Variants in LINGO1 observed in about 807,000 individuals in gnomAD.
LINGO1 encodes the protein leucine-rich repeat and immunoglobulin-like domain-containing nogo receptor-interacting protein 1.
A neutral mutation model predicts 37.3 loss-of-function variants in LINGO1; 11 were observed. The observed-to-expected ratio is 0.29, with a 90% CI of 0.19 to 0.49. The LOEUF (loss-of-function observed/expected upper bound fraction) is 0.49. Ranked by LOEUF, LINGO1 falls within the 20% of genes least tolerant of loss-of-function variation. LINGO1 has a pLI of 0.99. For missense variants in LINGO1, 585 were observed against 878.2 expected (o/e 0.67, Z 4.22); for synonymous variants, 387 against 403.0 (o/e 0.96, Z 0.48).
chr15:77,644,338 C>A (rs1477554482), intron 3 of LINGO1, among the ~76,000 whole-genome samples: 1 of 152,174 alleles, frequency 6.6e-6, no homozygotes, highest in Non-Finnish European at 1.5e-5. Context: ...CGGGCTGTGC[C>A]CTCTCTCTCT....
At chr15:77,699,712 C>CACCTGCACACAGCACATACTAA (rs1567532160), upstream of LINGO1, among the ~76,000 whole-genome samples, 1 of 1,864 alleles carries the variant, frequency 5.4e-4, no homozygotes, top group Non-Finnish European at 1.7e-3. Context: ...AACCATCATT[C>CACCTGCACACAGCACATACTAA]CCACACACAA....
intron 1 of LINGO1, among the ~76,000 whole-genome samples, chr15:77,631,753 C>T (rs1332604837): frequency 6.6e-6 from 1 of 152,240 alleles, no homozygotes; most frequent in East Asian, 1.9e-4. Context: ...CAACTCCCTT[C>T]CTTCCACTCT....
chr15:77,713,210 TTGTGTGTGTGTGTGTGTGTGTG>T (rs57831674), intron 2 of LINGO1, among the ~76,000 whole-genome samples: 1 of 123,722 alleles, frequency 8.1e-6, no homozygotes, highest in Non-Finnish European at 1.6e-5. Flanking sequence ...GCCCAGCTAA[TTGTGTGTGTGTGTGTGTGTGTG>T]TGTGTGTGTG....
At position 77,614,218 on chromosome 15, in the gene LINGO1, C is replaced by T. The variant is rs1314081038; in HGVS notation, c.1689G>A (p.Met563Ile). The change falls in exon 2 of 2, where the codon ATG (methionine) becomes ATA (isoleucine). Residue 563 changes from methionine (M) to isoleucine (I), a missense_variant. Coordinates refer to ENST00000355300, the MANE Select transcript of LINGO1 (RefSeq NM_032808.7). ...DIKTLIIATT[M>I]GFISFLGVVL... ...CGACGCCCAGGAAAGAGATGAAGCCCATGGTGGTGGCGATGATGAGGGTCT... is the reference window on the plus strand; with the variant it reads ...CGACGCCCAGGAAAGAGATGAAGCCTATGGTGGTGGCGATGATGAGGGTCT... 1 of 1,613,894 alleles carries T rather than the reference C, an allele frequency of 6.2e-7. No homozygotes were observed. Among genetic ancestry groups the T allele is most frequent in the African/African-American group, 1.3e-5 (1 of 74,928 alleles).
rs186175141 is a variant in LINGO1 at position 77,712,416 on chromosome 15, C to T, written c.-194-21515G>A. Among the ~76,000 whole-genome samples, 114 of 152,274 alleles carry T rather than the reference C, an allele frequency of 7.5e-4. 1 individual carries two copies. The highest frequency in any genetic ancestry group is 6.8e-3 in the Middle Eastern group (2 of 294). On this transcript the variant is annotated intron_variant, in intron 2 of 3. Transcript: ENST00000561686. The stretch of plus-strand genomic sequence containing the variant: ...TGCTCAAATATCTTGCCCCCCTCCC[C>T]CTAAGCAGTACTTTCATAAAACCCC...
At chr15:77,693,738 C>T (rs1485231758) in intron 1 of LINGO1, among the ~76,000 whole-genome samples, 1 of 152,092 alleles carries the variant, frequency 6.6e-6, no homozygotes. Context: ...AGGGAGGAAA[C>T]AGATTCGGGC....
intron 3 of LINGO1, among the ~76,000 whole-genome samples, chr15:77,661,520 GC>G (rs2074992796): frequency 6.6e-6 from 1 of 152,230 alleles, no homozygotes; most frequent in Non-Finnish European, 1.5e-5. Context: ...GAATGACAGT[GC>G]CTTGCCAGTT....
At chr15:77,661,124 A>G (rs1363250545) in intron 3 of LINGO1, among the ~76,000 whole-genome samples, 1 of 152,158 alleles carries the variant, frequency 6.6e-6, no homozygotes, top group African/African-American at 2.4e-5. Context: ...GCAGGCTGGG[A>G]TGGGTTAGCT....
intron 2 of LINGO1, among the ~76,000 whole-genome samples, chr15:77,720,290 T>A (rs948020235): frequency 6.6e-6 from 1 of 152,370 alleles, no homozygotes; most frequent in Admixed American, 6.5e-5. Flanking sequence ...GTTTTTATTC[T>A]GCAGCCGACT....
At chr15:77,666,664 A>G (rs2075137503) in intron 3 of LINGO1, among the ~76,000 whole-genome samples, 1 of 152,210 alleles carries the variant, frequency 6.6e-6, no homozygotes, top group Admixed American at 6.5e-5. Flanking sequence ...CAGCTAACTT[A>G]ATCTCCTTGC....
At chr15:77,639,693 C>T (rs758999750) in intron 3 of LINGO1, among the ~76,000 whole-genome samples, 37 of 152,048 alleles carry the variant, frequency 2.4e-4, no homozygotes, top group African/African-American at 7.0e-4. Flanking sequence ...CTCATAAACA[C>T]GATGTGGAGG....
intron 2 of LINGO1, among the ~76,000 whole-genome samples, chr15:77,678,479 TTTATTAATATCTGTG>T (rs1212841465): frequency 3.3e-5 from 5 of 152,264 alleles, no homozygotes; most frequent in Non-Finnish European, 5.9e-5. Context: ...GCACTTCACA[TTTATTAATATCTGTG>T]TTGCCTCTTG....
At chr15:77,818,003 C>A (rs188488556) in intron 1 of LINGO1, among the ~76,000 whole-genome samples, 48 of 152,248 alleles carry the variant, frequency 3.2e-4, no homozygotes, top group Non-Finnish European at 6.0e-4. Flanking sequence ...GCCACCACAC[C>A]CCTCCACACA....
intron 1 of LINGO1, among the ~76,000 whole-genome samples, chr15:77,751,285 G>T (rs553804642): frequency 7.2e-5 from 11 of 152,338 alleles, no homozygotes; most frequent in African/African-American, 2.4e-4. Flanking sequence ...GATCCTTGCA[G>T]GGTGCCTTGA....
upstream of LINGO1, among the ~76,000 whole-genome samples, chr15:77,633,997 C>T (rs1363597552): frequency 6.6e-6 from 1 of 152,142 alleles, no homozygotes; most frequent in African/African-American, 2.4e-5. Flanking sequence ...ACGGCCATCC[C>T]TCCTCCCCTG....
At chr15:77,701,240 C>T (rs536888745), upstream of LINGO1, among the ~76,000 whole-genome samples, 8 of 152,226 alleles carry the variant, frequency 5.3e-5, no homozygotes, top group Non-Finnish European at 1.2e-4. Flanking sequence ...AACCAACAGG[C>T]CTGGGGGGTC....
At chr15:77,759,988 G>A (rs2076458481) in intron 1 of LINGO1, among the ~76,000 whole-genome samples, 2 of 152,214 alleles carry the variant, frequency 1.3e-5, no homozygotes, top group South Asian at 2.1e-4. Flanking sequence ...GATGTGGCCC[G>A]GAAATAAACT....
chr15:77,758,651 C>T (rs902599906), intron 1 of LINGO1, among the ~76,000 whole-genome samples: 14 of 152,306 alleles, frequency 9.2e-5, no homozygotes, highest in Admixed American at 5.9e-4. Context: ...CAAATCCCTG[C>T]TTTCCCATTT....
At chr15:77,794,358 A>ATG (rs1369029275) in intron 2 of LINGO1, among the ~76,000 whole-genome samples, 1 of 101,920 alleles carries the variant, frequency 9.8e-6, no homozygotes, top group Non-Finnish European at 2.0e-5. Context: ...ATACGTATAT[A>ATG]TGTGTATATA....
Sources: gnomAD v4.1 joint callset for allele counts (sites outside exome capture counted in the v4.1 genomes callset) on GRCh38, gnomAD v4.1.1 for gene constraint, MANE v1.5 for transcripts, NCBI Gene and HGNC (gene_info 2026-07-23, HGNC 2026-07-21) for gene names.